SGIP1: variants seen among roughly 807,000 people sequenced by gnomAD.
SGIP1 encodes SH3GL interacting endocytic adaptor 1, also known as SH3-containing GRB2-like protein 3-interacting protein 1.
In SGIP1, 38 loss-of-function variants were observed where a neutral mutation model predicts 107.5. The ratio of observed to expected loss-of-function variants is 0.35; its 90% CI spans 0.27 to 0.46. The LOEUF (loss-of-function observed/expected upper bound fraction) is 0.46, where lower values mean the gene tolerates loss of function less well. Among genes scored for constraint, SGIP1 ranks in the 20% least tolerant of loss-of-function variants. SGIP1 has a pLI of 1.00. For missense variants in SGIP1, 929 were observed against 1,019.5 expected (o/e 0.91, Z 1.21); for synonymous variants, 365 against 366.1 (o/e 1.00, Z 0.03).
At chr1:66,643,804 C>A in intron 7 of SGIP1, 85 bp downstream of exon 7, 2 of 1,266,576 alleles carry the variant, frequency 1.6e-6, no homozygotes, top group Non-Finnish European at 2.1e-6. Context: ...CAATCAGAAA[C>A]TCCTTAAATT....
chr1:66,739,248 G>A (rs2094368477), intron 21 of SGIP1, 87 bp from the exon 22 acceptor site: 1 of 1,435,820 alleles, frequency 7.0e-7, no homozygotes, highest in Non-Finnish European at 9.5e-7. Context: ...TTGCTTGTGA[G>A]CAGCATAAAC....
intron 1 of SGIP1, among the ~76,000 whole-genome samples, chr1:66,575,870 C>A (rs1398142183): frequency 1.3e-5 from 2 of 152,122 alleles, no homozygotes; most frequent in East Asian, 1.9e-4. Flanking sequence ...CAAGTAGAGG[C>A]AGCATTTGCC....
intron 1 of SGIP1, among the ~76,000 whole-genome samples, chr1:66,580,123 C>T (rs58171402): frequency 0.19 from 28,674 of 151,844 alleles, 3,219 homozygotes; most frequent in African/African-American, 0.31. Flanking sequence ...AGCAGGGTGA[C>T]CCTTTCAAAA....
At chr1:66,701,325 G>T (rs1363358313) in intron 18 of SGIP1, among the ~76,000 whole-genome samples, 2 of 152,048 alleles carry the variant, frequency 1.3e-5, no homozygotes, top group Non-Finnish European at 2.9e-5. Context: ...CCCACTGAAG[G>T]CCCCTTTCAA....
intron 1 of SGIP1, among the ~76,000 whole-genome samples, chr1:66,586,315 T>A (rs1557978450): frequency 6.6e-6 from 1 of 152,198 alleles, no homozygotes; most frequent in Non-Finnish European, 1.5e-5. Flanking sequence ...TTAGTTGGTA[T>A]ATTTAGGACA....
intron 8 of SGIP1, among the ~76,000 whole-genome samples, chr1:66,662,298 T>C (rs1451302972): frequency 6.6e-6 from 1 of 152,228 alleles, no homozygotes; most frequent in East Asian, 1.9e-4. Flanking sequence ...CTTTGTAGTT[T>C]ATTGCCTATT....
At chr1:66,695,095 C>T in intron 17 of SGIP1, 1 of 429,572 alleles carries the variant, frequency 2.3e-6, no homozygotes, top group Non-Finnish European at 4.1e-6. Context: ...TGCTGAATGA[C>T]AGTTTGCCCA....
At position 66,657,604 on chromosome 1, in the gene SGIP1, T is replaced by G. The variant is rs183994957; in HGVS notation, c.460-2909T>G. On this transcript the variant is annotated intron_variant, in intron 7 of 24. Transcript: ENST00000371037. Reference sequence around the variant, plus strand: ...CAGAGAGAGACAGAGAGAGAGACTCTCCAGCTGCAGAGGATAAGGGTCTAT... The same window carrying G: ...CAGAGAGAGACAGAGAGAGAGACTCGCCAGCTGCAGAGGATAAGGGTCTAT... 5.3e-5 allele frequency among the ~76,000 whole-genome samples: 8 copies of G among 152,270 alleles called. No homozygotes were observed. The East Asian group carries it at 1.5e-3, about 29-fold the overall frequency.
rs1335849718 is a variant in SGIP1 at position 66,745,638 on chromosome 1, G to T, written c.*2543G>T. ...TCCCAAGTCAGAACAAAATGAACTAGTAGGTAATAAAACTATTTTCAGTAC... is the reference window on the plus strand; with the variant it reads ...TCCCAAGTCAGAACAAAATGAACTATTAGGTAATAAAACTATTTTCAGTAC... On this transcript the variant is annotated 3_prime_UTR_variant, in exon 25 of 25. Coordinates refer to ENST00000371037, the MANE Select transcript of SGIP1 (RefSeq NM_032291.4). 6.6e-6 allele frequency: 1 copy of T among 152,028 alleles called. No homozygotes were observed. Among genetic ancestry groups the T allele is most frequent in the Non-Finnish European group, 1.5e-5 (1 of 67,908 alleles). The allele number at this position is 152,028 out of a possible 1,614,324, so 9.4% of individuals were successfully genotyped here. A position where few individuals can be genotyped will look rare whatever the true frequency, so the allele number is the denominator to read the frequency against.
At chr1:66,658,615 C>T (rs1286245021) in intron 7 of SGIP1, among the ~76,000 whole-genome samples, 2 of 152,120 alleles carry the variant, frequency 1.3e-5, no homozygotes, top group Non-Finnish European at 2.9e-5. Flanking sequence ...GTGTTGAGTG[C>T]CTCACTCTAT....
intron 15 of SGIP1, among the ~76,000 whole-genome samples, chr1:66,683,700 C>CTTTTGTTTTTTTTTTTTTTTTTTT (rs2087379165): frequency 1.6e-5 from 1 of 61,396 alleles, no homozygotes; most frequent in African/African-American, 5.7e-5. Context: ...TGTTTCTTTT[C>CTTTTGTTTTTTTTTTTTTTTTTTT]TTTTTTTTTT....
intron 1 of SGIP1, among the ~76,000 whole-genome samples, chr1:66,612,085 C>A (rs988679463): frequency 3.9e-5 from 6 of 152,140 alleles, no homozygotes; most frequent in Non-Finnish European, 5.9e-5. Context: ...CACCAGCTTC[C>A]AGTGAGGACC....
intron 15 of SGIP1, among the ~76,000 whole-genome samples, chr1:66,687,293 A>G (rs2088603238): frequency 7.2e-6 from 1 of 138,260 alleles, no homozygotes; most frequent in Non-Finnish European, 1.6e-5. Flanking sequence ...CTCCTCCATC[A>G]ACACCAAAAA....
chr1:66,646,550 A>T (rs2077701910), intron 7 of SGIP1, among the ~76,000 whole-genome samples: 1 of 152,218 alleles, frequency 6.6e-6, no homozygotes, highest in African/African-American at 2.4e-5. Context: ...GTATCCATGA[A>T]CTATAACCAA....
At chr1:66,634,072 C>G in intron 3 of SGIP1, 1 of 1,599,318 alleles carries the variant, frequency 6.3e-7, no homozygotes, top group Admixed American at 1.7e-5. Context: ...AATCAAGGCT[C>G]TATTCAGCAG....
At position 66,536,196 on chromosome 1, in the gene SGIP1, G is replaced by A. The variant is rs559725764; in HGVS notation, c.10+1828G>A. Among the ~76,000 whole-genome samples the A allele has an allele frequency of 2.6e-5, 4 of 152,262 alleles. No individual in the cohort carries two copies. The East Asian group carries it at 7.7e-4, about 29-fold the overall frequency. On this transcript the variant is annotated intron_variant, in intron 1 of 24. Coordinates refer to ENST00000371037, the MANE Select transcript of SGIP1 (RefSeq NM_032291.4). ...AGCTGAATTAGCACTATTGCTCTGG[G>A]TTTGCCAAATTTATCTAATGAACAA...
intron 3 of SGIP1, among the ~76,000 whole-genome samples, chr1:66,634,742 C>A (rs1206139932): frequency 2.0e-5 from 3 of 152,202 alleles, no homozygotes; most frequent in Non-Finnish European, 4.4e-5. Context: ...AGGCTACGTT[C>A]AAAATAAATG....
intron 1 of SGIP1, among the ~76,000 whole-genome samples, chr1:66,564,326 T>C (rs1371991299): frequency 1.3e-5 from 2 of 151,854 alleles, no homozygotes; most frequent in Admixed American, 6.6e-5. Context: ...TTCACTAACA[T>C]GGTAAAATGC....
rs573831527 is a variant in SGIP1 at position 66,742,670 on chromosome 1, C to T, written c.2465-403C>T. On this transcript the variant is annotated intron_variant, in intron 24 of 24. Coordinates refer to ENST00000371037, the MANE Select transcript of SGIP1 (RefSeq NM_032291.4). ...ATTTTTAGTAGAGACGGGGTTTCACCGTGTTAGCCAGGATGGTCTCGATCT... is the reference window on the plus strand; with the variant it reads ...ATTTTTAGTAGAGACGGGGTTTCACTGTGTTAGCCAGGATGGTCTCGATCT... Among the ~76,000 whole-genome samples, 350 of 150,484 alleles carry T rather than the reference C, an allele frequency of 2.3e-3. 5 individuals are homozygous for T. Among genetic ancestry groups the T allele is most frequent in the African/African-American group, 8.2e-3 (333 of 40,682 alleles).
Sources: allele counts gnomAD v4.1 joint callset (sites outside exome capture counted in the v4.1 genomes callset), GRCh38; gene constraint gnomAD v4.1.1; transcripts MANE v1.5; gene names NCBI Gene and HGNC (gene_info 2026-07-23, HGNC 2026-07-21).